Variants in CCDC77 observed in about 807,000 individuals in gnomAD.
CCDC77 encodes coiled-coil domain-containing protein 77.
In CCDC77, 56 loss-of-function variants were observed where a neutral mutation model predicts 66.8. That is an observed-to-expected ratio of 0.84 (90% CI 0.68 to 1.05). CCDC77 has a LOEUF of 1.05. Among genes scored for constraint, CCDC77 ranks in the 50% least tolerant of loss-of-function variants. The pLI, the probability that CCDC77 is intolerant of heterozygous loss-of-function variation, is 0.00. For synonymous variants in CCDC77, 196 were observed against 195.2 expected, an observed-to-expected ratio of 1.00 and a Z score of -0.03; for missense variants, 570 against 576.8, an observed-to-expected ratio of 0.99 and a Z score of 0.12.
At chr12:427,400 C>T (rs1416228276) in intron 5 of CCDC77, among the ~76,000 whole-genome samples, 1 of 151,950 alleles carries the variant, frequency 6.6e-6, no homozygotes, top group South Asian at 2.1e-4. Flanking sequence ...CTGCTAGAAA[C>T]GCCACGTTCT....
intron 9 of CCDC77, among the ~76,000 whole-genome samples, chr12:436,204 G>A (rs1213875540): frequency 7.1e-6 from 1 of 140,728 alleles, no homozygotes; most frequent in Non-Finnish European, 1.5e-5. Flanking sequence ...TGCAAGCTCC[G>A]CCTCCCGGGT....
intron 5 of CCDC77, among the ~76,000 whole-genome samples, chr12:427,011 CT>C (rs1945545645): frequency 6.6e-6 from 1 of 152,086 alleles, no homozygotes; most frequent in South Asian, 2.1e-4. Flanking sequence ...TTTGGGGTGG[CT>C]GAGGCGGGCA....
At chr12:409,560 A>C (rs973512169) in intron 3 of CCDC77, 139 bp downstream of exon 3, 1 of 756,248 alleles carries the variant, frequency 1.3e-6, no homozygotes, top group Non-Finnish European at 2.2e-6. Context: ...CTCTGTGCCC[A>C]GGATGGGGTG....
intron 10 of CCDC77, 134 bp from the exon 11 acceptor site, chr12:440,483 T>C: frequency 2.1e-6 from 2 of 959,118 alleles, no homozygotes; most frequent in South Asian, 3.5e-5. Context: ...TCAAAGTTCC[T>C]TGTCATCTGG....
At chr12:428,675 T>TAAAA in intron 5 of CCDC77, 94 bp from the exon 6 acceptor site, 1 of 666,304 alleles carries the variant, frequency 1.5e-6, no homozygotes, top group Non-Finnish European at 2.4e-6. Context: ...ACAATTGTTT[T>TAAAA]AAAAAAAAAA....
upstream of CCDC77, among the ~76,000 whole-genome samples, chr12:399,266 G>T (rs145560938): frequency 3.3e-5 from 5 of 151,988 alleles, no homozygotes; most frequent in African/African-American, 1.2e-4. Context: ...CCGCCTCCCA[G>T]GTTCAAGTGA....
At chr12:389,438 G>C (rs1044170779) in exon 1 of CCDC77, 1 of 472,764 alleles carries the variant, frequency 2.1e-6, no homozygotes, top group African/African-American at 1.9e-5. Context: ...TTGTCTCCTT[G>C]CCCGCCAAAG....
At chr12:403,964 CAG>C (rs1190240771) in intron 1 of CCDC77, among the ~76,000 whole-genome samples, 1 of 152,176 alleles carries the variant, frequency 6.6e-6, no homozygotes, top group African/African-American at 2.4e-5. Context: ...TTGGTAAAGA[CAG>C]GGTCTTGCCA....
chr12:404,054 C>T (rs1372077419), intron 1 of CCDC77, among the ~76,000 whole-genome samples: 1 of 152,246 alleles, frequency 6.6e-6, no homozygotes, highest in East Asian at 1.9e-4. Context: ...CACAGTGGCT[C>T]ACGCCTGTAA....
intron 9 of CCDC77, among the ~76,000 whole-genome samples, chr12:436,119 T>TC (rs1945744349): frequency 6.9e-6 from 1 of 144,346 alleles, no homozygotes; most frequent in Non-Finnish European, 1.5e-5. Context: ...CTTTGTCTTT[T>TC]TTTTTTTTTT....
intron 5 of CCDC77, among the ~76,000 whole-genome samples, chr12:427,825 C>A (rs529116628): frequency 6.6e-6 from 1 of 152,092 alleles, no homozygotes; most frequent in African/African-American, 2.4e-5. Flanking sequence ...CCTAAGCTAT[C>A]TTAGGTTGAG....
intron 5 of CCDC77, among the ~76,000 whole-genome samples, chr12:428,490 A>G (rs61916591): frequency 3.8e-4 from 55 of 142,960 alleles, no homozygotes; most frequent in Admixed American, 1.2e-3. Flanking sequence ...CAGCCTGGAC[A>G]ACAGAGCGAG....
rs556883366 is a variant in CCDC77, at chr12:410,842, G to A, written c.39-905G>A. ...ATTACAGGCATGAGCCACTGCACCC[G>A]GCCTGCAATATGTCTTATGGTACTA... is the stretch of plus-strand genomic sequence containing the variant. On this transcript the variant is annotated intron_variant, in intron 3 of 12. Transcript: ENST00000239830. Among the ~76,000 whole-genome samples the A allele has an allele frequency of 1.5e-4, 23 of 152,292 alleles. 1 individual carries two copies. In the South Asian group the frequency reaches 2.1e-3, roughly 14 times the overall value.
chr12:440,836 A>G lies in CCDC77; in HGVS notation c.1168-8A>G, dbSNP rs555333245. 3.7e-6 allele frequency: 6 copies of G among 1,613,398 alleles called. No homozygotes were observed. The highest frequency in any genetic ancestry group is 4.5e-5 in the East Asian group (2 of 44,886). ...CTTCGTAAATGCCTTCCCATTCCCC[A>G]TATTTAGGATCGCACTAACAAGATG... On this transcript the variant is annotated splice_polypyrimidine_tract_variant and splice_region_variant and intron_variant, in intron 11 of 12. Transcript: ENST00000239830.
chr12:406,555 G>A (rs191156579), intron 2 of CCDC77, among the ~76,000 whole-genome samples: 42 of 152,322 alleles, frequency 2.8e-4, no homozygotes, highest in Non-Finnish European at 2.9e-4. Flanking sequence ...CTCTGAGTAA[G>A]ATGAAAAGTC....
At chr12:426,374 A>G (rs78378561) in intron 5 of CCDC77, among the ~76,000 whole-genome samples, 3,876 of 152,274 alleles carry the variant, frequency 0.025, 253 homozygotes, top group East Asian at 0.24. Context: ...CATCTGGCAC[A>G]ATGACTGAAA....
At chr12:423,833 G>T (rs189118942) in intron 5 of CCDC77, among the ~76,000 whole-genome samples, 1 of 152,046 alleles carries the variant, frequency 6.6e-6, no homozygotes, top group Non-Finnish European at 1.5e-5. Context: ...CGTCTTAATG[G>T]GTGTGAGGGA....
chr12:441,887 G>A lies in CCDC77; in HGVS notation c.1434G>A (p.Val478=), dbSNP rs1264273086. ...AACTGAAGAATCTTAAGTCGAAAGT[G>A]TTTGGTCTGGAGAATGAACTTAGAC... ...QGELKNLKSK[V]FGLENELRLC Residue 478 remains valine (V), a synonymous_variant, in exon 13 of 13, where the codon GTG becomes GTA. Transcript: ENST00000239830. The A allele has an allele frequency of 2.5e-6, 4 of 1,613,926 alleles. No homozygotes were observed. The highest frequency in any genetic ancestry group is 2.5e-6 in the Non-Finnish European group (3 of 1,180,000).
intron 5 of CCDC77, among the ~76,000 whole-genome samples, chr12:427,262 C>T (rs528429832): frequency 6.1e-5 from 9 of 147,396 alleles, no homozygotes; most frequent in Non-Finnish European, 1.0e-4. Flanking sequence ...AAAAAAAAAA[C>T]GGACTCGGGC....
Sources: gnomAD v4.1 joint callset for allele counts (sites outside exome capture counted in the v4.1 genomes callset) on GRCh38, gnomAD v4.1.1 for gene constraint, MANE v1.5 for transcripts, NCBI Gene and HGNC (gene_info 2026-07-23, HGNC 2026-07-21) for gene names.